Variants in MTHFSD observed in about 807,000 individuals in gnomAD.
The protein encoded by MTHFSD is methenyltetrahydrofolate synthase domain-containing protein.
Under a neutral mutation model 31.1 loss-of-function variants are expected in MTHFSD, and 37 were observed. That is an observed-to-expected ratio of 1.19 (90% CI 0.91 to 1.56). MTHFSD has a LOEUF of 1.56. Among genes scored for constraint, MTHFSD ranks in the 40% most tolerant of loss-of-function variants. The pLI is 0.00. For synonymous variants in MTHFSD, 221 were observed against 206.9 expected (o/e 1.07, Z -0.59); for missense variants, 664 against 510.1 (o/e 1.30, Z -2.91).
intron 3 of MTHFSD, among the ~76,000 whole-genome samples, chr16:86,551,393 A>G (rs1437172122): frequency 1.3e-5 from 2 of 152,254 alleles, no homozygotes; most frequent in African/African-American, 4.8e-5. Context: ...ATAATACCAC[A>G]ACTGTGGCAA....
intron 7 of MTHFSD, among the ~76,000 whole-genome samples, chr16:86,537,997 G>T (rs1970951979): frequency 3.3e-5 from 5 of 152,248 alleles, no homozygotes; most frequent in Admixed American, 3.3e-4. Context: ...GGACGGGTGA[G>T]AAGATGTGTG....
intron 1 of MTHFSD, 191 bp downstream of exon 1, chr16:86,554,978 T>G: frequency 7.5e-7 from 1 of 1,325,482 alleles, no homozygotes; most frequent in South Asian, 1.5e-5. Flanking sequence ...CCTGACATCT[T>G]TCTCGGGATT....
intron 4 of MTHFSD, chr16:86,547,971 G>C (rs562558658): frequency 3.5e-6 from 4 of 1,145,910 alleles, no homozygotes; most frequent in African/African-American, 3.2e-5. Context: ...TTGTACACTT[G>C]GTTTTACTAA....
Position 86,546,553 on chromosome 16 carries a change from TC to T in MTHFSD, c.442+5del, listed in dbSNP as rs1972340579. On this transcript the variant is annotated splice_donor_5th_base_variant and intron_variant, in intron 5 of 7. Coordinates refer to ENST00000360900, the MANE Select transcript of MTHFSD (RefSeq NM_001159377.2). ...ACACTCAAGGGTTCCCATCTGCTAG[TC>T]TTACCTTTTTCAGAAACGGCGACGG... 6.2e-7 allele frequency: 1 copy of T among 1,613,300 alleles called. No individual in the cohort carries two copies. The highest frequency in any genetic ancestry group is 1.3e-5 in the African/African-American group (1 of 74,878).
chr16:86,548,212 C>T, intron 4 of MTHFSD: 1 of 1,051,392 alleles, frequency 9.5e-7, no homozygotes, highest in Admixed American at 3.2e-5. Context: ...CTTCCCTTTT[C>T]TTACAATAAG....
chr16:86,553,931 A>G (rs1270980177), intron 2 of MTHFSD, among the ~76,000 whole-genome samples: 1 of 152,214 alleles, frequency 6.6e-6, no homozygotes, highest in African/African-American at 2.4e-5. Flanking sequence ...GGCACTCTGT[A>G]TGTAGCTAAT....
intron 3 of MTHFSD, 135 bp from the exon 4 acceptor site, chr16:86,548,712 A>G: frequency 1.5e-6 from 1 of 659,454 alleles, no homozygotes; most frequent in Non-Finnish European, 2.4e-6. Context: ...TGTGCCAAGG[A>G]AATTACTTAT....
chr16:86,545,698 G>A (rs1396617374), intron 5 of MTHFSD, among the ~76,000 whole-genome samples: 1 of 152,130 alleles, frequency 6.6e-6, no homozygotes, highest in Admixed American at 6.5e-5. Context: ...CCTGACTTGT[G>A]TCCAGCACTG....
chr16:86,532,383 C>G lies in MTHFSD; in HGVS notation c.780G>C (p.Gln260His). ...GKDVTLQGEH[Q>H]HLPEPGCQQT... ...GCTGGCAGCCTGGTTCCGGAAGGTGCTGGTGCTCACCCTGGAGGGTGACAT... is the reference window on the plus strand; with the variant it reads ...GCTGGCAGCCTGGTTCCGGAAGGTGGTGGTGCTCACCCTGGAGGGTGACAT... Residue 260 changes from glutamine (Q) to histidine (H), a missense_variant, in exon 8 of 8, where the codon CAG becomes CAC. Coordinates refer to ENST00000360900, the MANE Select transcript of MTHFSD (RefSeq NM_001159377.2). 1.9e-6 allele frequency: 3 copies of G among 1,569,428 alleles called. No individual in the cohort carries two copies. The highest frequency in any genetic ancestry group is 2.4e-5 in the South Asian group (2 of 84,574).
intron 7 of MTHFSD, among the ~76,000 whole-genome samples, chr16:86,538,856 G>C (rs1480243400): frequency 1.3e-5 from 2 of 152,184 alleles, no homozygotes; most frequent in African/African-American, 2.4e-5. Context: ...GGGCAGCAGC[G>C]GCTATGCATC....
chr16:86,538,174 C>T (rs1437933811), intron 7 of MTHFSD, among the ~76,000 whole-genome samples: 1 of 152,230 alleles, frequency 6.6e-6, no homozygotes, highest in African/African-American at 2.4e-5. Flanking sequence ...GAGTCTGTAG[C>T]CATGTCCTAC....
chr16:86,538,944 G>A (rs1282916912), intron 7 of MTHFSD, among the ~76,000 whole-genome samples: 1 of 152,192 alleles, frequency 6.6e-6, no homozygotes, highest in Non-Finnish European at 1.5e-5. Context: ...AGACAGAAGA[G>A]CACACGAGGA....
intron 4 of MTHFSD, among the ~76,000 whole-genome samples, chr16:86,547,828 T>C (rs577861090): frequency 5.9e-5 from 9 of 152,348 alleles, no homozygotes; most frequent in African/African-American, 2.2e-4. Context: ...TTCAATTGTC[T>C]TATTTTTTCT....
rs952345701 is a variant in MTHFSD at position 86,554,099 on chromosome 16, C to A, written c.123+546G>T. Among the ~76,000 whole-genome samples the A allele has an allele frequency of 2.0e-5, 3 of 152,146 alleles. No homozygotes were observed. The East Asian group carries it at 5.8e-4, about 29-fold the overall frequency. Reference sequence around the variant, plus strand: ...GAGATTAAAAGCAGGCTGCCTGAACCAGCAGCAACAACCCTCTCCAATCCC... The same window carrying A: ...GAGATTAAAAGCAGGCTGCCTGAACAAGCAGCAACAACCCTCTCCAATCCC... On this transcript the variant is annotated intron_variant, in intron 2 of 7. Transcript: ENST00000360900.
chr16:86,532,333 C>A lies in MTHFSD; in HGVS notation c.830G>T (p.Arg277Met). 2.5e-6 allele frequency: 4 copies of A among 1,595,292 alleles called. No individual in the cohort carries two copies. Among genetic ancestry groups the A allele is most frequent in the Non-Finnish European group, 3.4e-6 (4 of 1,171,652 alleles). Residue 277 changes from arginine to methionine, a missense_variant, in exon 8 of 8, where the codon AGG (arginine) becomes ATG (methionine). Arg to Met is a moderately conservative substitution (Grantham distance 91, BLOSUM62 -1). Coordinates refer to ENST00000360900, the MANE Select transcript of MTHFSD (RefSeq NM_001159377.2). ...CQQTVPLSVGRRPPDTPGPET... is the reference protein window; with the variant it reads ...CQQTVPLSVGMRPPDTPGPET... ...TGGTCCGGGTGTGTCCGGGGGCCTC[C>A]TGCCAACACTCAGGGGCACTGTCTG...
intron 7 of MTHFSD, among the ~76,000 whole-genome samples, chr16:86,539,387 A>G (rs1167880067): frequency 6.6e-6 from 1 of 152,248 alleles, no homozygotes; most frequent in Non-Finnish European, 1.5e-5. Flanking sequence ...GCGTCCAGGA[A>G]GATTTCTCAA....
In MTHFSD at chr16:86,534,777, T is replaced by G. The variant is rs1157508010; in HGVS notation, c.682-2296A>C. On this transcript the variant is annotated intron_variant, in intron 7 of 7. Transcript: ENST00000360900. ...GGCTCTGAGTACAGCACCAGAAGCC[T>G]TGAGGTGAGAGCATCCCGTGGGGTG... is the stretch of plus-strand genomic sequence containing the variant. Among the ~76,000 whole-genome samples, 3 of 152,130 alleles carry G rather than the reference T, an allele frequency of 2.0e-5. No individual in the cohort carries two copies. In the East Asian group the frequency reaches 5.8e-4, roughly 29 times the overall value.
In MTHFSD at chr16:86,532,220, C is replaced by G. The variant is rs3751803; in HGVS notation, c.943G>C (p.Gly315Arg). 1,423,944 of 1,577,968 alleles carry G rather than the reference C, an allele frequency of 0.9. 642,731 individuals carry two copies. Among genetic ancestry groups the G allele is most frequent in the Admixed American group, 0.91 (50,075 of 55,202 alleles). The change falls in exon 8 of 8, where the codon GGG (glycine) becomes CGG (arginine). Residue 315 changes from glycine to arginine, a missense_variant. Physicochemically the swap from Gly to Arg is moderately radical, Grantham distance 125 (BLOSUM62 -2). Transcript: ENST00000360900. ...TTCAGGTCACTCACACGGGCGTCCC[C>G]GGGGAGGTTCCCAACGTAAACATCG... ...AADVYVGNLP[G>R]DARVSDLKRA...
chr16:86,533,894 C>A (rs903688612), intron 7 of MTHFSD: 2 of 152,250 alleles, frequency 1.3e-5, no homozygotes, highest in Non-Finnish European at 2.9e-5. Context: ...TCATCTAATA[C>A]CTGGCTCTGT....
Sources: gnomAD v4.1 joint callset for allele counts (sites outside exome capture counted in the v4.1 genomes callset) on GRCh38, gnomAD v4.1.1 for gene constraint, MANE v1.5 for transcripts, NCBI Gene and HGNC (gene_info 2026-07-23, HGNC 2026-07-21) for gene names.